The following ACACA variants were observed in gnomAD, a reference collection of about 807,000 sequenced individuals.
ACACA encodes acetyl-CoA carboxylase alpha.
ACACA carries 103 observed loss-of-function variants against 296.1 expected under a neutral mutation model. The observed-to-expected ratio is 0.35, with a 90% confidence interval of 0.30 to 0.41. The LOEUF (loss-of-function observed/expected upper bound fraction) is 0.41. Among genes scored for constraint, ACACA ranks in the 10% least tolerant of loss-of-function variants. The pLI, the probability that ACACA is intolerant of heterozygous loss-of-function variation, is 1.00. For synonymous variants in ACACA, 953 were observed against 1,038.6 expected, an observed-to-expected ratio of 0.92 and a Z score of 1.58; for missense variants, 1,554 against 2,989.7, an observed-to-expected ratio of 0.52 and a Z score of 11.20.
chr17:37,220,976 A>T (rs1054233787), intron 29 of ACACA, among the ~76,000 whole-genome samples: 3 of 152,234 alleles, frequency 2.0e-5, no homozygotes, highest in Non-Finnish European at 4.4e-5. Flanking sequence ...CTGTGGTATT[A>T]CTAAAAAGAA....
intron 29 of ACACA, among the ~76,000 whole-genome samples, chr17:37,210,975 T>A (rs1309425667): frequency 1.3e-5 from 2 of 152,084 alleles, no homozygotes; most frequent in East Asian, 1.9e-4. Flanking sequence ...TAATCGCTTA[T>A]CCAGGATATG....
chr17:37,219,364 A>G lies in ACACA; in HGVS notation c.3683+2360T>C, dbSNP rs534153032. Among the ~76,000 whole-genome samples, 9 of 152,264 alleles carry G rather than the reference A, an allele frequency of 5.9e-5. No individual in the cohort carries two copies. In the South Asian group the frequency reaches 1.9e-3, roughly 32 times the overall value. ...CTCGTGCTTTTGGCTGATCCTGACA[A>G]TAAAACTGTAGTGCTTGAACTCTGT... On this transcript the variant is annotated intron_variant, in intron 29 of 55. Transcript: ENST00000616317.
chr17:37,198,545 T>C (rs1458544050), intron 35 of ACACA, among the ~76,000 whole-genome samples: 1 of 152,202 alleles, frequency 6.6e-6, no homozygotes, highest in Non-Finnish European at 1.5e-5. Flanking sequence ...TTTTATTCTC[T>C]AAGCTCCTGA....
chr17:37,263,922 AC>A, intron 10 of ACACA, 28 bp from the exon 11 acceptor site: 2 of 1,588,240 alleles, frequency 1.3e-6, no homozygotes, highest in East Asian at 2.2e-5. Flanking sequence ...GAAAAAAAAA[AC>A]CAATTCTTAA....
At chr17:37,380,543 C>T (rs531852332) in intron 1 of ACACA, among the ~76,000 whole-genome samples, 547 of 152,198 alleles carry the variant, frequency 3.6e-3, no homozygotes, top group Non-Finnish European at 6.2e-3. Context: ...CTGTGATTTT[C>T]ATGTGATCTC....
Position 37,235,105 on chromosome 17 carries a change from C to T in ACACA, c.3122-6G>A, listed in dbSNP as rs148549486. ...TACACATTTGTCATAGTGACCTGCA[C>T]ACCATGAAAAGAACTGGTTCTCACC... On this transcript the variant is annotated splice_polypyrimidine_tract_variant and splice_region_variant and intron_variant, in intron 24 of 55. Coordinates refer to ENST00000616317, the MANE Select transcript of ACACA (RefSeq NM_198834.3). 9.5e-4 allele frequency: 1,526 copies of T among 1,613,132 alleles called. 18 individuals carry two copies. The African/African-American group carries it at 0.018, about 19-fold the overall frequency.
intron 39 of ACACA, among the ~76,000 whole-genome samples, chr17:37,184,371 AAC>A (rs566249691): frequency 1.3e-5 from 2 of 152,172 alleles, no homozygotes; most frequent in African/African-American, 2.4e-5. Context: ...TAGAAATGAA[AAC>A]AGTGTCAAGA....
At chr17:37,191,884 CT>C (rs949909009) in intron 37 of ACACA, among the ~76,000 whole-genome samples, 1 of 145,412 alleles carries the variant, frequency 6.9e-6, no homozygotes, top group Non-Finnish European at 1.5e-5. Context: ...GCACTTTCTG[CT>C]TTGTAAAAAA....
At chr17:37,364,377 T>G (rs1170756923) in intron 1 of ACACA, among the ~76,000 whole-genome samples, 3 of 152,014 alleles carry the variant, frequency 2.0e-5, no homozygotes, top group African/African-American at 7.2e-5. Flanking sequence ...GCGGATCACC[T>G]GAGGTCAGGA....
chr17:37,390,776 G>A (rs1049851290), intron 1 of ACACA, among the ~76,000 whole-genome samples: 1 of 151,192 alleles, frequency 6.6e-6, no homozygotes. Context: ...CTGGGAAAAA[G>A]GGTGAGACCC....
At chr17:37,280,351 G>A (rs2082455568) in intron 5 of ACACA, among the ~76,000 whole-genome samples, 2 of 152,066 alleles carry the variant, frequency 1.3e-5, no homozygotes, top group South Asian at 2.1e-4. Context: ...TGAGACTACC[G>A]GCATGCGCCT....
intron 3 of ACACA, among the ~76,000 whole-genome samples, chr17:37,327,195 A>G (rs2047662555): frequency 6.6e-6 from 1 of 152,178 alleles, no homozygotes; most frequent in Non-Finnish European, 1.5e-5. Context: ...ATCTGAATCA[A>G]TATCTTCATT....
At position 37,087,442 on chromosome 17, in the gene ACACA, G is replaced by A. The variant is rs755443767; in HGVS notation, c.7029-3C>T. ...CCTCTGGATTGGCCTGGACCAAGCT[G>A]GAAAGGAAGATTGAGAATGGTGAAG... On this transcript the variant is annotated splice_region_variant and splice_polypyrimidine_tract_variant and intron_variant, in intron 55 of 55. Coordinates refer to ENST00000616317, the MANE Select transcript of ACACA (RefSeq NM_198834.3). 17 of 1,614,002 alleles carry A rather than the reference G, an allele frequency of 1.1e-5. No individual in the cohort carries two copies. The highest frequency in any genetic ancestry group is 2.2e-5 in the East Asian group (1 of 44,898).
Position 37,098,134 on chromosome 17 carries a change from A to T in ACACA, c.6566-150T>A. ...CCGTTGTCTTCTCTGCTCTTTGCTG[A>T]TTAACAGGGCCCTACAAGATGCCAC... On this transcript the variant is annotated intron_variant, in intron 52 of 55. Coordinates refer to ENST00000616317, the MANE Select transcript of ACACA (RefSeq NM_198834.3). The T allele has an allele frequency of 7.2e-6, 7 of 969,338 alleles. No homozygotes were observed. In the South Asian group the frequency reaches 9.5e-5, roughly 13 times the overall value. The allele number at this position is 969,338 out of a possible 1,614,324, so 60.0% of individuals were successfully genotyped here.
chr17:37,342,106 T>C (rs944893130), intron 1 of ACACA, among the ~76,000 whole-genome samples: 9 of 152,098 alleles, frequency 5.9e-5, no homozygotes, highest in African/African-American at 2.2e-4. Flanking sequence ...AATTCTCTTT[T>C]ATTTAAAAAA....
intron 50 of ACACA, among the ~76,000 whole-genome samples, chr17:37,120,274 C>T (rs1367476671): frequency 2.0e-5 from 3 of 151,118 alleles, no homozygotes; most frequent in Non-Finnish European, 4.4e-5. Context: ...ACTGTTTTTT[C>T]CTTTTTTTTG....
intron 32 of ACACA, 115 bp downstream of exon 32, chr17:37,206,668 A>T: frequency 1.2e-6 from 1 of 843,394 alleles, no homozygotes; most frequent in Non-Finnish European, 1.9e-6. Context: ...AATACTATAA[A>T]GTGGGGTAAA....
intron 45 of ACACA, among the ~76,000 whole-genome samples, chr17:37,137,436 G>A (rs2075379527): frequency 6.6e-6 from 1 of 152,044 alleles, no homozygotes; most frequent in African/African-American, 2.4e-5. Flanking sequence ...CACATGAAAG[G>A]CCTATTATTG....
At chr17:37,134,572 T>C (rs1406607776) in intron 45 of ACACA, among the ~76,000 whole-genome samples, 1 of 152,176 alleles carries the variant, frequency 6.6e-6, no homozygotes, top group Non-Finnish European at 1.5e-5. Context: ...GCTGAAGATG[T>C]GAAAAATTAT....
Sources: allele counts gnomAD v4.1 joint callset (sites outside exome capture counted in the v4.1 genomes callset), GRCh38; gene constraint gnomAD v4.1.1; transcripts MANE v1.5; gene names NCBI Gene and HGNC (gene_info 2026-07-23, HGNC 2026-07-21).